CACNB2: variants seen among roughly 807,000 people sequenced by gnomAD.
CACNB2 encodes the protein voltage-dependent L-type calcium channel subunit beta-2.
CACNB2 carries 42 observed loss-of-function variants against 73.3 expected under a neutral mutation model. The ratio of observed to expected loss-of-function variants is 0.57; its 90% confidence interval spans 0.45 to 0.74. The LOEUF (loss-of-function observed/expected upper bound fraction) is 0.74, where lower values mean the gene tolerates loss of function less well. CACNB2 is among the 30% of genes least tolerant of loss of function. The pLI is 0.00. For synonymous variants in CACNB2, 348 were observed against 310.3 expected (o/e 1.12, Z -1.28); for missense variants, 940 against 853.0 (o/e 1.10, Z -1.27).
At chr10:18,223,923 A>G (rs1162595695) in intron 2 of CACNB2, among the ~76,000 whole-genome samples, 1 of 152,030 alleles carries the variant, frequency 6.6e-6, no homozygotes, top group African/African-American at 2.4e-5. Context: ...AAATATGTAC[A>G]GAAAAATAGA....
rs992393946 is a variant in CACNB2, at chr10:18,290,112, C to CTTTTTTTTTTTT, written c.214-111796_214-111785dup. Among the ~76,000 whole-genome samples, 203 of 50,156 alleles carry CTTTTTTTTTTTT rather than the reference C, an allele frequency of 4.0e-3. 2 individuals are homozygous for CTTTTTTTTTTTT. The highest frequency in any genetic ancestry group is 9.8e-3 in the East Asian group (15 of 1,526). 32.9% of individuals were successfully genotyped at this position (50,156 alleles called of 152,430 possible). ...TAAAGTTTTTTTCTTTTTTCTTTTT[C>CTTTTTTTTTTTT]TTTTTTTTTTTTTTTTTTTTTTTTT... is the stretch of plus-strand genomic sequence containing the variant. On this transcript the variant is annotated intron_variant, in intron 2 of 13. Coordinates refer to ENST00000324631, the MANE Select transcript of CACNB2 (RefSeq NM_201596.3).
At chr10:18,140,891 G>T in intron 1 of CACNB2, 35 bp downstream of exon 1, 2 of 1,569,114 alleles carry the variant, frequency 1.3e-6, no homozygotes, top group Non-Finnish European at 1.7e-6. Flanking sequence ...CTTCCTTTGT[G>T]AGCCGCCGGG....
chr10:18,148,287 G>C (rs1421708022), intron 1 of CACNB2, among the ~76,000 whole-genome samples: 1 of 152,084 alleles, frequency 6.6e-6, no homozygotes, highest in African/African-American at 2.4e-5. Flanking sequence ...AGTAATTGAA[G>C]AACAATTTTT....
intron 2 of CACNB2, among the ~76,000 whole-genome samples, chr10:18,236,850 C>T (rs1361743773): frequency 6.6e-6 from 1 of 152,098 alleles, no homozygotes; most frequent in Non-Finnish European, 1.5e-5. Context: ...CTCCTCTCGG[C>T]TAAGGATCTC....
chr10:18,462,915 C>A (rs559239508), intron 3 of CACNB2, among the ~76,000 whole-genome samples: 4 of 151,872 alleles, frequency 2.6e-5, no homozygotes, highest in Non-Finnish European at 4.4e-5. Flanking sequence ...TGTGCCACCA[C>A]GCCCAGCTAA....
At chr10:18,220,232 TAGAGAGAG>T (rs1169176468) in intron 2 of CACNB2, among the ~76,000 whole-genome samples, 943 of 24,890 alleles carry the variant, frequency 0.038, 16 homozygotes, top group East Asian at 0.047. Context: ...TATATATATA[TAGAGAGAG>T]AGAGAGAGAG....
At chr10:18,252,170 A>T (rs544020078) in intron 2 of CACNB2, among the ~76,000 whole-genome samples, 27 of 152,196 alleles carry the variant, frequency 1.8e-4, no homozygotes, top group African/African-American at 6.5e-4. Flanking sequence ...TATTTTACTG[A>T]ATGTTGCTAT....
At position 18,172,924 on chromosome 10, in the gene CACNB2, C is replaced by CTTTTTTTTTTTTTTTTTTT. The variant is rs58345605; in HGVS notation, c.213+21964_213+21965insTTTTTTTTTTTTTTTTTTT. On this transcript the variant is annotated intron_variant, in intron 2 of 13. Transcript: ENST00000324631. ...CTTCAAATAGGGAAAATAATAAGGC[C>CTTTTTTTTTTTTTTTTTTT]TTTTTTTTTTTTTTTAAATGGAGTT... is the stretch of plus-strand genomic sequence containing the variant. Among the ~76,000 whole-genome samples, 876 of 117,202 alleles carry CTTTTTTTTTTTTTTTTTTT rather than the reference C, an allele frequency of 7.5e-3. 30 individuals are homozygous for CTTTTTTTTTTTTTTTTTTT. The highest frequency in any genetic ancestry group is 0.011 in the Admixed American group (126 of 11,104). 76.9% of individuals were successfully genotyped at this position (117,202 alleles called of 152,430 possible).
chr10:18,471,193 C>G (rs963872060), intron 3 of CACNB2, among the ~76,000 whole-genome samples: 1 of 152,082 alleles, frequency 6.6e-6, no homozygotes, highest in South Asian at 2.1e-4. Context: ...GTAATCCCAG[C>G]TACTCGGGAG....
At chr10:18,245,326 T>G (rs547398308) in intron 2 of CACNB2, among the ~76,000 whole-genome samples, 8 of 152,228 alleles carry the variant, frequency 5.3e-5, no homozygotes, top group Admixed American at 3.3e-4. Context: ...TTCATTTTTT[T>G]GTTCTTATTC....
At chr10:18,465,929 C>T (rs1433440524) in intron 3 of CACNB2, among the ~76,000 whole-genome samples, 4 of 152,206 alleles carry the variant, frequency 2.6e-5, no homozygotes, top group Non-Finnish European at 4.4e-5. Flanking sequence ...GATCTGCCTG[C>T]CTCAGCCTCC....
chr10:18,348,909 A>G (rs2489195), intron 2 of CACNB2, among the ~76,000 whole-genome samples: 68,605 of 152,064 alleles, frequency 0.45, 16,153 homozygotes, highest in Admixed American at 0.5. Context: ...GTTTGAGCTC[A>G]GGAGTTTGAG....
intron 3 of CACNB2, among the ~76,000 whole-genome samples, chr10:18,435,782 G>T (rs1318463288): frequency 6.6e-6 from 1 of 152,060 alleles, no homozygotes; most frequent in African/African-American, 2.4e-5. Flanking sequence ...ATACAAGCAT[G>T]AGCCACTCCA....
chr10:18,489,042 G>C (rs867757412), intron 3 of CACNB2, among the ~76,000 whole-genome samples: 9 of 151,816 alleles, frequency 5.9e-5, no homozygotes, highest in Admixed American at 1.3e-4. Context: ...GGCCGGGCAC[G>C]GTGGCTCACA....
intron 2 of CACNB2, among the ~76,000 whole-genome samples, chr10:18,163,499 G>C (rs561983556): frequency 6.6e-6 from 1 of 152,088 alleles, no homozygotes; most frequent in East Asian, 1.9e-4. Flanking sequence ...CTAAGTCTTC[G>C]CCCCTGAGCC....
At chr10:18,250,044 A>G (rs2037027105) in intron 2 of CACNB2, among the ~76,000 whole-genome samples, 1 of 152,114 alleles carries the variant, frequency 6.6e-6, no homozygotes, top group African/African-American at 2.4e-5. Context: ...CTATAGGTCA[A>G]TTCTGTCACA....
chr10:18,425,513 A>T (rs966048532), intron 3 of CACNB2, among the ~76,000 whole-genome samples: 1 of 52,588 alleles, frequency 1.9e-5, no homozygotes, highest in African/African-American at 8.3e-5. Context: ...CAAATAATTG[A>T]AATATTAGCT....
chr10:18,405,256 T>C (rs2044222907), intron 3 of CACNB2, among the ~76,000 whole-genome samples: 1 of 152,156 alleles, frequency 6.6e-6, no homozygotes, highest in Admixed American at 6.5e-5. Context: ...TATCAGTCAC[T>C]CTCCATTCTC....
intron 2 of CACNB2, among the ~76,000 whole-genome samples, chr10:18,364,367 C>T (rs530499322): frequency 6.6e-6 from 1 of 151,268 alleles, no homozygotes; most frequent in African/African-American, 2.4e-5. Context: ...GTGGCAAGAT[C>T]TCGGCTCATT....
Sources: gnomAD v4.1 joint callset for allele counts (sites outside exome capture counted in the v4.1 genomes callset) on GRCh38, gnomAD v4.1.1 for gene constraint, MANE v1.5 for transcripts, NCBI Gene and HGNC (gene_info 2026-07-23, HGNC 2026-07-21) for gene names.